The following KAZN variants were observed in gnomAD, a reference collection of about 807,000 sequenced individuals.
KAZN encodes the protein kazrin, periplakin interacting protein, also known as kazrin.
In KAZN, 40 loss-of-function variants were observed where a neutral mutation model predicts 87.4. The observed-to-expected ratio is 0.46, with a 90% CI of 0.36 to 0.60. The LOEUF (loss-of-function observed/expected upper bound fraction) is 0.60. Among genes scored for constraint, KAZN ranks in the 20% least tolerant of loss-of-function variants. KAZN has a pLI of 0.00. For synonymous variants in KAZN, 466 were observed against 458.3 expected, an observed-to-expected ratio of 1.02 and a Z score of -0.22; for missense variants, 898 against 1,073.9, an observed-to-expected ratio of 0.84 and a Z score of 2.29.
At chr1:14,583,672 G>A (rs1675685208) in intron 2 of KAZN, among the ~76,000 whole-genome samples, 1 of 152,208 alleles carries the variant, frequency 6.6e-6, no homozygotes, top group Non-Finnish European at 1.5e-5. Context: ...CTGGTGAGGG[G>A]GCAGCTATGG....
chr1:14,687,786 T>C lies in KAZN; in HGVS notation c.226+88563T>C, dbSNP rs181840983. ...AATGAATCATATCTTAAGAGTTTTC[T>C]GTGCACTTTCATGGGGCTCACGTTG... On this transcript the variant is annotated intron_variant, in intron 1 of 14. Coordinates refer to ENST00000376030, the MANE Select transcript of KAZN (RefSeq NM_201628.3). 1.2e-4 allele frequency among the ~76,000 whole-genome samples: 19 copies of C among 152,358 alleles called. No individual in the cohort carries two copies. The East Asian group carries it at 3.5e-3, about 28-fold the overall frequency.
chr1:14,598,146 T>C (rs1189214400), upstream of KAZN, among the ~76,000 whole-genome samples: 1 of 152,012 alleles, frequency 6.6e-6, no homozygotes, highest in Non-Finnish European at 1.5e-5. This position sits in a 1 kb window ranked among gnomAD's most constrained non-coding sequence, Gnocchi z 4.2. Context: ...CCGAGGAAGA[T>C]AGGCGCTCCC....
intron 1 of KAZN, among the ~76,000 whole-genome samples, chr1:14,646,845 T>C (rs2148686346): frequency 6.6e-6 from 1 of 152,338 alleles, no homozygotes; most frequent in East Asian, 1.9e-4. Context: ...TCTGTCTCTC[T>C]CCCTTGCCTC....
chr1:14,354,040 C>G (rs896248738), intron 2 of KAZN, among the ~76,000 whole-genome samples: 1 of 152,100 alleles, frequency 6.6e-6, no homozygotes, highest in African/African-American at 2.4e-5. Flanking sequence ...TTATGGTAAT[C>G]ACAACAGTGT....
chr1:13,974,530 T>C (rs1638224003), intron 1 of KAZN, among the ~76,000 whole-genome samples: 1 of 152,160 alleles, frequency 6.6e-6, no homozygotes, highest in Admixed American at 6.5e-5. Flanking sequence ...CAGTGACAAG[T>C]GTCCTCATAA....
At chr1:14,221,095 A>T (rs907818314) in intron 2 of KAZN, among the ~76,000 whole-genome samples, 3 of 152,098 alleles carry the variant, frequency 2.0e-5, no homozygotes, top group African/African-American at 4.8e-5. Flanking sequence ...TAACTCTGTC[A>T]TCTTGCTTAG....
intron 2 of KAZN, among the ~76,000 whole-genome samples, chr1:14,995,966 G>A (rs61772173): frequency 0.15 from 22,163 of 151,990 alleles, 1,726 homozygotes; most frequent in South Asian, 0.21. Flanking sequence ...AAAATAAGCC[G>A]GTCCGGCCAC....
rs1571254153 is a variant in KAZN at position 14,300,122 on chromosome 1, T to C, written c.249+119530T>C. On this transcript the variant is annotated intron_variant, in intron 2 of 16. Transcript: ENST00000636203. ...AGTGTTTGGGGTCATCCTGGAAATGTAGCACATATGTTTGGAGTGTGTTGA... is the reference window on the plus strand; with the variant it reads ...AGTGTTTGGGGTCATCCTGGAAATGCAGCACATATGTTTGGAGTGTGTTGA... Among the ~76,000 whole-genome samples the C allele has an allele frequency of 2.0e-5, 3 of 152,086 alleles. No homozygotes were observed. The East Asian group carries it at 5.8e-4, about 29-fold the overall frequency.
chr1:14,624,601 A>C (rs1678973986), intron 1 of KAZN, among the ~76,000 whole-genome samples: 2 of 152,144 alleles, frequency 1.3e-5, no homozygotes, highest in African/African-American at 4.8e-5. Flanking sequence ...AAAAAAGTTT[A>C]GAGGATTTGA....
At chr1:14,128,680 A>T (rs1644926073) in intron 1 of KAZN, among the ~76,000 whole-genome samples, 1 of 151,992 alleles carries the variant, frequency 6.6e-6, no homozygotes, top group Non-Finnish European at 1.5e-5. Context: ...TCACATTATG[A>T]GATACTGGGG....
chr1:14,847,142 GAT>G (rs1218063166), intron 1 of KAZN, among the ~76,000 whole-genome samples: 1 of 152,164 alleles, frequency 6.6e-6, no homozygotes, highest in Non-Finnish European at 1.5e-5. Flanking sequence ...AAAAATAAAA[GAT>G]ATGCCGGCAA....
intron 1 of KAZN, among the ~76,000 whole-genome samples, chr1:14,815,783 G>C (rs1245125421): frequency 6.6e-6 from 1 of 152,190 alleles, no homozygotes; most frequent in African/African-American, 2.4e-5. Context: ...AGGCTGAGCA[G>C]CTCTGCCCAG....
intron 2 of KAZN, among the ~76,000 whole-genome samples, chr1:14,297,869 G>A (rs570214783): frequency 6.6e-6 from 1 of 152,326 alleles, no homozygotes; most frequent in Admixed American, 6.5e-5. Context: ...GACATCAAGA[G>A]TAGGAGTTGC....
intron 1 of KAZN, among the ~76,000 whole-genome samples, chr1:14,075,038 C>T (rs1643398391): frequency 6.6e-6 from 1 of 151,954 alleles, no homozygotes; most frequent in Non-Finnish European, 1.5e-5. Context: ...GAAGAGTTTC[C>T]TTGTGTTTTT....
chr1:15,104,788 G>C (rs562636186), intron 13 of KAZN, among the ~76,000 whole-genome samples: 1 of 152,272 alleles, frequency 6.6e-6, no homozygotes, highest in South Asian at 2.1e-4. Context: ...TACTTCCTGT[G>C]TGAACTATCT....
At chr1:14,740,913 G>A (rs1010852373) in intron 1 of KAZN, among the ~76,000 whole-genome samples, 1 of 152,188 alleles carries the variant, frequency 6.6e-6, no homozygotes, top group African/African-American at 2.4e-5. Flanking sequence ...GGGAATGACA[G>A]ACACTTTCCC....
chr1:14,928,966 G>A (rs942098620), intron 1 of KAZN, among the ~76,000 whole-genome samples: 18 of 152,346 alleles, frequency 1.2e-4, no homozygotes, highest in African/African-American at 3.8e-4. Flanking sequence ...CAGGGCACCA[G>A]TTTTGGAATC....
chr1:15,021,586 C>T lies in KAZN; in HGVS notation c.419-13163C>T, dbSNP rs551246688. 1.6e-4 allele frequency among the ~76,000 whole-genome samples: 25 copies of T among 152,176 alleles called. No individual in the cohort carries two copies. Among genetic ancestry groups the T allele is most frequent in the African/African-American group, 6.0e-4 (25 of 41,462 alleles). Reference sequence around the variant, plus strand: ...GGGCCTGCTTCCCGGGGCCCTCCGCCCTCCTGGCTTCCAGGTGACCTCTGA... The same window carrying T: ...GGGCCTGCTTCCCGGGGCCCTCCGCTCTCCTGGCTTCCAGGTGACCTCTGA... On this transcript the variant is annotated intron_variant, in intron 2 of 14. Transcript: ENST00000376030. This position sits in a 1 kb window ranked among gnomAD's most constrained non-coding sequence, Gnocchi z 4.2.
At chr1:13,957,077 TAGA>T (rs1262018880) in intron 1 of KAZN, among the ~76,000 whole-genome samples, 3 of 152,074 alleles carry the variant, frequency 2.0e-5, no homozygotes, top group African/African-American at 7.2e-5. Context: ...GCAGTTGGGG[TAGA>T]AGAAGAAATC....
Sources: gnomAD v4.1 joint callset for allele counts (sites outside exome capture counted in the v4.1 genomes callset) on GRCh38, gnomAD v4.1.1 for gene constraint, Gnocchi (gnomAD v3.1) non-coding constraint, MANE v1.5 for transcripts, NCBI Gene and HGNC (gene_info 2026-07-23, HGNC 2026-07-21) for gene names.